The following DNAAF9 variants were observed in gnomAD, a reference collection of about 807,000 sequenced individuals.
DNAAF9 encodes the protein dynein axonemal assembly factor 9.
Under a neutral mutation model 167.0 loss-of-function variants are expected in DNAAF9, and 90 were observed. The ratio of observed to expected loss-of-function variants is 0.54; its 90% CI spans 0.45 to 0.64. The LOEUF is 0.64. Among genes scored for constraint, DNAAF9 ranks in the 30% least tolerant of loss-of-function variants. The probability of loss-of-function intolerance (pLI) is 0.00; values close to 1 mark genes in which losing one functional copy is unlikely to be tolerated. For missense variants in DNAAF9, 1,315 were observed against 1,442.2 expected (o/e 0.91, Z 1.43); for synonymous variants, 491 against 508.8 (o/e 0.96, Z 0.47).
Position 3,253,709 on chromosome 20 carries a change from C to A in DNAAF9, c.3421+17G>T, listed in dbSNP as rs74321758. On this transcript the variant is annotated intron_variant, in intron 36 of 36. Coordinates refer to ENST00000252032, the MANE Select transcript of DNAAF9 (RefSeq NM_001009984.3). ...CTGCCCGGGTTCCACACAGGGACCA[C>A]GCTGTTCCAAGGATACGTGGGTGAA... 3.1e-5 allele frequency: 47 copies of A among 1,508,062 alleles called. No homozygotes were observed. In the East Asian group the frequency reaches 9.9e-4, roughly 32 times the overall value. The allele number at this position is 1,508,062 out of a possible 1,614,324, so 93.4% of individuals were successfully genotyped here. A position where few individuals can be genotyped will look rare whatever the true frequency, so the allele number is the denominator to read the frequency against.
chr20:3,339,337 C>A (rs2070032515), intron 10 of DNAAF9, among the ~76,000 whole-genome samples: 1 of 152,128 alleles, frequency 6.6e-6, no homozygotes, highest in Admixed American at 6.6e-5. Flanking sequence ...TGCCTTTTAG[C>A]ATGCTTTGTA....
At chr20:3,337,311 T>G (rs1363483064) in intron 10 of DNAAF9, among the ~76,000 whole-genome samples, 10 of 151,088 alleles carry the variant, frequency 6.6e-5, no homozygotes, top group South Asian at 4.2e-4. Context: ...CTGCCCAGGC[T>G]GGAGTGCAGT....
chr20:3,392,832 A>G (rs2083845109), intron 1 of DNAAF9, among the ~76,000 whole-genome samples: 1 of 152,186 alleles, frequency 6.6e-6, no homozygotes, highest in Non-Finnish European at 1.5e-5. Flanking sequence ...ATACTAATAT[A>G]TTCTTCTTAT....
At chr20:3,394,334 G>A (rs556327605) in intron 1 of DNAAF9, among the ~76,000 whole-genome samples, 12 of 134,512 alleles carry the variant, frequency 8.9e-5, no homozygotes, top group East Asian at 2.1e-4. Flanking sequence ...GTGAAACTCC[G>A]TCTCAAAAAA....
chr20:3,376,127 A>G (rs2083571562), intron 4 of DNAAF9, 51 bp downstream of exon 4: 1 of 1,538,478 alleles, frequency 6.5e-7, no homozygotes, highest in Non-Finnish European at 8.9e-7. Context: ...ACTTTCCTTA[A>G]AGAGTATTCT....
intron 3 of DNAAF9, 42 bp downstream of exon 3, chr20:3,381,335 CCT>C (rs755072605): frequency 3.7e-5 from 55 of 1,474,954 alleles, no homozygotes; most frequent in South Asian, 3.5e-4. Flanking sequence ...AATAAATAAA[CCT>C]CTTACTCTTC....
chr20:3,295,074 T>C (rs1396717294), intron 23 of DNAAF9, among the ~76,000 whole-genome samples: 1 of 152,166 alleles, frequency 6.6e-6, no homozygotes, highest in African/African-American at 2.4e-5. Context: ...TTTCACTGTG[T>C]TAGCCAGGAT....
Position 3,295,728 on chromosome 20 carries a change from C to T in DNAAF9, c.2019-1099G>A, listed in dbSNP as rs1048420081. ...CGTCCCCTTTTATTATCTGGCATAA[C>T]GCGTGATGTAGTTGTCCACTTTATT... On this transcript the variant is annotated intron_variant, in intron 23 of 36. Transcript: ENST00000252032. 24 of 619,674 alleles carry T rather than the reference C, an allele frequency of 3.9e-5. 1 individual carries two copies. Among genetic ancestry groups the T allele is most frequent in the African/African-American group, 1.8e-4 (10 of 54,558 alleles). The allele number at this position is 619,674 out of a possible 1,614,324, so 38.4% of individuals were successfully genotyped here.
intron 23 of DNAAF9, 24 bp from the exon 24 acceptor site, chr20:3,294,653 T>C: frequency 1.4e-6 from 2 of 1,463,948 alleles, no homozygotes; most frequent in South Asian, 1.1e-5. Context: ...AGCTCACAGA[T>C]TAGAAGTCCA....
chr20:3,390,461 G>A (rs916819315), intron 1 of DNAAF9, among the ~76,000 whole-genome samples: 22 of 151,104 alleles, frequency 1.5e-4, no homozygotes, highest in African/African-American at 5.1e-4. Flanking sequence ...TACCTCCTGC[G>A]TTCAAGTGAT....
intron 29 of DNAAF9, among the ~76,000 whole-genome samples, chr20:3,276,923 C>G (rs1157802680): frequency 6.6e-6 from 1 of 152,208 alleles, no homozygotes; most frequent in Admixed American, 6.5e-5. Flanking sequence ...CACTGCTTCT[C>G]TGAGTCAATC....
At chr20:3,299,316 T>C (rs2069141960) in intron 21 of DNAAF9, among the ~76,000 whole-genome samples, 1 of 152,142 alleles carries the variant, frequency 6.6e-6, no homozygotes. Context: ...TTTTTGTTTG[T>C]TGTTTTTGAG....
intron 28 of DNAAF9, among the ~76,000 whole-genome samples, chr20:3,280,354 G>T (rs1227335579): frequency 6.6e-6 from 1 of 151,938 alleles, no homozygotes; most frequent in Non-Finnish European, 1.5e-5. Context: ...CCTGACGTTG[G>T]AAGTTCGAGA....
At chr20:3,377,667 C>G (rs1011337064) in intron 3 of DNAAF9, among the ~76,000 whole-genome samples, 5 of 151,866 alleles carry the variant, frequency 3.3e-5, no homozygotes, top group Non-Finnish European at 7.4e-5. Context: ...GCCATGTTGC[C>G]CAGGCTGGTC....
intron 10 of DNAAF9, among the ~76,000 whole-genome samples, chr20:3,335,470 T>C (rs2069919173): frequency 2.6e-5 from 4 of 152,126 alleles, no homozygotes; most frequent in Admixed American, 2.6e-4. Flanking sequence ...CACTCAAAAA[T>C]TGTTGGCCGG....
Position 3,290,173 on chromosome 20 carries a change from G to A in DNAAF9, c.2283C>T (p.Ser761=), listed in dbSNP as rs778729245. ...GAGTGACCAGAAAAGCACAGAGCTCGCTAGCGTGACAGCCTGGGAGGCCGG... is the reference window on the plus strand; with the variant it reads ...GAGTGACCAGAAAAGCACAGAGCTCACTAGCGTGACAGCCTGGGAGGCCGG... ...IVTGLPGCHA[S]ELCAFLVTLH... Residue 761 remains serine (S), a synonymous_variant, in exon 26 of 37, where the codon AGC becomes AGT. Coordinates refer to ENST00000252032, the MANE Select transcript of DNAAF9 (RefSeq NM_001009984.3). 10 of 1,613,200 alleles carry A rather than the reference G, an allele frequency of 6.2e-6. No homozygotes were observed. The East Asian group carries it at 8.9e-5, about 14-fold the overall frequency.
chr20:3,382,392 C>T, intron 2 of DNAAF9, 35 bp downstream of exon 2: 1 of 1,565,420 alleles, frequency 6.4e-7, no homozygotes, highest in Non-Finnish European at 8.8e-7. Flanking sequence ...CCAAGTTGCC[C>T]AAGCCCTGAG....
intron 20 of DNAAF9, among the ~76,000 whole-genome samples, chr20:3,307,701 T>A (rs2069324926): frequency 6.6e-6 from 1 of 151,822 alleles, no homozygotes; most frequent in Non-Finnish European, 1.5e-5. Flanking sequence ...AGGACTGCAG[T>A]TTGGTTGTCT....
intron 14 of DNAAF9, among the ~76,000 whole-genome samples, chr20:3,322,928 C>T (rs988918158): frequency 6.6e-5 from 10 of 151,914 alleles, no homozygotes; most frequent in East Asian, 1.9e-4. Context: ...GTCCTAAGGA[C>T]GGTCTTGACT....
Sources: gnomAD v4.1 joint callset for allele counts (sites outside exome capture counted in the v4.1 genomes callset) on GRCh38, gnomAD v4.1.1 for gene constraint, MANE v1.5 for transcripts, NCBI Gene and HGNC (gene_info 2026-07-23, HGNC 2026-07-21) for gene names.